Variants in DOCK10 observed in about 807,000 individuals in gnomAD.
The protein encoded by DOCK10 is dedicator of cytokinesis protein 10.
DOCK10 carries 145 observed loss-of-function variants against 280.1 expected under a neutral mutation model. The observed-to-expected ratio is 0.52, with a 90% confidence interval of 0.45 to 0.59. The LOEUF is 0.59. Among genes scored for constraint, DOCK10 ranks in the 20% least tolerant of loss-of-function variants. DOCK10 has a pLI of 0.00. For synonymous variants in DOCK10, 915 were observed against 942.2 expected (o/e 0.97, Z 0.53); for missense variants, 2,368 against 2,651.7 (o/e 0.89, Z 2.35).
At chr2:224,885,599 T>C in intron 7 of DOCK10, 72 bp downstream of exon 7, 1 of 1,447,042 alleles carries the variant, frequency 6.9e-7, no homozygotes, top group Non-Finnish European at 9.2e-7. Context: ...TATCAGATAC[T>C]CCATGAATAT....
At chr2:224,906,391 C>T (rs866359294) in intron 3 of DOCK10, among the ~76,000 whole-genome samples, 8 of 152,248 alleles carry the variant, frequency 5.3e-5, no homozygotes, top group South Asian at 4.1e-4. Flanking sequence ...CTTCCCAAGC[C>T]GACCAATCCA....
chr2:224,998,665 C>T (rs1459131672), intron 1 of DOCK10, among the ~76,000 whole-genome samples: 1 of 152,150 alleles, frequency 6.6e-6, no homozygotes, highest in Non-Finnish European at 1.5e-5. Flanking sequence ...CATTCTTTCA[C>T]CTTCCCTCAC....
intron 14 of DOCK10, chr2:224,860,560 G>A (rs999031144): frequency 4.1e-5 from 6 of 147,106 alleles, no homozygotes; most frequent in South Asian, 2.2e-4. Flanking sequence ...AGGATAGAGC[G>A]TTTTTTTTTT....
chr2:224,870,051 A>C (rs960077163), intron 11 of DOCK10, among the ~76,000 whole-genome samples: 37 of 152,264 alleles, frequency 2.4e-4, no homozygotes, highest in Admixed American at 1.6e-3. Context: ...CATAATCCTC[A>C]CATGTCATAG....
At chr2:224,882,233 T>C (rs547205214) in intron 7 of DOCK10, among the ~76,000 whole-genome samples, 1 of 152,198 alleles carries the variant, frequency 6.6e-6, no homozygotes, top group African/African-American at 2.4e-5. Flanking sequence ...AATGAATACA[T>C]GAACTGAAGG....
At chr2:224,943,768 T>C (rs1317920339) in intron 1 of DOCK10, among the ~76,000 whole-genome samples, 3 of 147,860 alleles carry the variant, frequency 2.0e-5, no homozygotes, top group South Asian at 2.2e-4. Flanking sequence ...TTTCTTTTTT[T>C]TTTTTTTTTT....
chr2:224,875,017 C>G lies in DOCK10; in HGVS notation c.932-266G>C, dbSNP rs371525453. ...TTTGGATTTTTACACTACATTTATA[C>G]TTGGGGTTGTCTTGACTTACTTCAT... On this transcript the variant is annotated intron_variant, in intron 8 of 55. Transcript: ENST00000258390. 1.4e-4 allele frequency among the ~76,000 whole-genome samples: 21 copies of G among 152,256 alleles called. 1 individual carries two copies. The highest frequency in any genetic ancestry group is 5.1e-4 in the African/African-American group (21 of 41,540).
rs1428431451 is a variant in DOCK10 at position 225,042,063 on chromosome 2, C to A, written c.123+189G>T. 1.3e-5 allele frequency among the ~76,000 whole-genome samples: 2 copies of A among 152,340 alleles called. No homozygotes were observed. Among genetic ancestry groups the A allele is most frequent in the East Asian group, 3.9e-4 (2 of 5,162 alleles). ...TGCACAAACGCGCCCCCGGTCCTTA[C>A]GCGTCGGTGGCGCTGCCTCGCTGAG... On this transcript the variant is annotated intron_variant, in intron 1 of 55. Transcript: ENST00000258390. This position sits in a 1 kb window ranked among gnomAD's most constrained non-coding sequence, Gnocchi z 5.1.
At chr2:225,021,582 C>A (rs560227760) in intron 1 of DOCK10, among the ~76,000 whole-genome samples, 1 of 152,304 alleles carries the variant, frequency 6.6e-6, no homozygotes, top group African/African-American at 2.4e-5. Flanking sequence ...TTGTGGGGAA[C>A]CTTGTACATT....
At chr2:224,984,115 TC>T (rs957510832) in intron 1 of DOCK10, among the ~76,000 whole-genome samples, 1 of 142,522 alleles carries the variant, frequency 7.0e-6, no homozygotes, top group African/African-American at 2.5e-5. Context: ...CTTACTCCCA[TC>T]CCCCAGGACA....
rs1276852000 is a variant in DOCK10 at position 224,916,744 on chromosome 2, G to T, written c.284C>A (p.Thr95Lys). ...CTTGTGCTCTGCATCTTCAGGTACTGTTGAGTACAACGTGCGGATATCCCA... is the reference window on the plus strand; with the variant it reads ...CTTGTGCTCTGCATCTTCAGGTACTTTTGAGTACAACGTGCGGATATCCCA... ...VSWDIRTLYS[T>K]VPEDAEHKAE... The change falls in exon 3 of 56, where the codon ACA becomes AAA. Residue 95 changes from threonine (T) to lysine (K), a missense_variant. By Grantham distance (78) the Thr-to-Lys change is moderately conservative. Transcript: ENST00000258390. 1.2e-6 allele frequency: 2 copies of T among 1,611,504 alleles called. No homozygotes were observed. The highest frequency in any genetic ancestry group is 4.5e-5 in the East Asian group (2 of 44,862).
chr2:224,871,378 C>CA (rs1698273784), intron 11 of DOCK10, among the ~76,000 whole-genome samples: 1 of 152,142 alleles, frequency 6.6e-6, no homozygotes, highest in South Asian at 2.1e-4. Flanking sequence ...GCCCAATTTA[C>CA]AAAACACCAG....
chr2:224,765,457 A>C lies in DOCK10; in HGVS notation c.*264T>G. 2.8e-6 allele frequency: 1 copy of C among 353,788 alleles called. No homozygotes were observed. Among genetic ancestry groups the C allele is most frequent in the Non-Finnish European group, 5.2e-6 (1 of 193,804 alleles). The allele number at this position is 353,788 out of a possible 1,614,324, so 21.9% of individuals were successfully genotyped here. A position where few individuals can be genotyped will look rare whatever the true frequency, so the allele number is the denominator to read the frequency against. On this transcript the variant is annotated 3_prime_UTR_variant, in exon 56 of 56. Coordinates refer to ENST00000258390, the MANE Select transcript of DOCK10 (RefSeq NM_014689.3). ...TACTGACCATACAATAACTGACAGC[A>C]AACTTAGGGTTTGCATTTGAGCTAC... is the stretch of plus-strand genomic sequence containing the variant.
intron 1 of DOCK10, among the ~76,000 whole-genome samples, chr2:225,000,440 A>G (rs1706401888): frequency 6.6e-6 from 1 of 152,220 alleles, no homozygotes; most frequent in African/African-American, 2.4e-5. Flanking sequence ...GTGAAAGTTG[A>G]GTTCTCTAGC....
chr2:225,041,428 C>G (rs1690421049), intron 1 of DOCK10, among the ~76,000 whole-genome samples: 1 of 152,188 alleles, frequency 6.6e-6, no homozygotes, highest in Non-Finnish European at 1.5e-5. Context: ...CAGTGTGGAC[C>G]TACTGCAACG....
At chr2:224,778,374 TAC>T (rs1410033681) in intron 50 of DOCK10, 90 bp from the exon 51 acceptor site, 10 of 1,336,092 alleles carry the variant, frequency 7.5e-6, no homozygotes, top group Non-Finnish European at 9.4e-6. Flanking sequence ...AAAAAACATA[TAC>T]AGTTTTTGGT....
intron 1 of DOCK10, among the ~76,000 whole-genome samples, chr2:225,010,177 C>A (rs961902191): frequency 6.6e-5 from 10 of 152,068 alleles, no homozygotes; most frequent in African/African-American, 2.4e-4. Context: ...TGCCAGCAAC[C>A]AAGCCAGGCA....
intron 1 of DOCK10, among the ~76,000 whole-genome samples, chr2:224,968,888 G>C (rs1009759589): frequency 1.3e-5 from 2 of 152,182 alleles, no homozygotes; most frequent in African/African-American, 4.8e-5. Flanking sequence ...TTAACTGACT[G>C]TAACTCAAAC....
chr2:224,985,707 G>A (rs1317575041), intron 1 of DOCK10, among the ~76,000 whole-genome samples: 1 of 151,822 alleles, frequency 6.6e-6, no homozygotes, highest in Admixed American at 6.6e-5. Context: ...GAGGATACTG[G>A]ACTCTGCCTC....
Sources: allele counts gnomAD v4.1 joint callset (sites outside exome capture counted in the v4.1 genomes callset), GRCh38; gene constraint gnomAD v4.1.1; non-coding constraint Gnocchi (gnomAD v3.1); transcripts MANE v1.5; gene names NCBI Gene and HGNC (gene_info 2026-07-23, HGNC 2026-07-21).